The following RAPGEF2 variants were observed in gnomAD, a reference collection of about 807,000 sequenced individuals.
RAPGEF2 encodes PDZ domain containing guanine nucleotide exchange factor (GEF) 1.
Under a neutral mutation model 186.7 loss-of-function variants are expected in RAPGEF2, and 54 were observed. The observed-to-expected ratio is 0.29, with a 90% CI of 0.23 to 0.36. RAPGEF2 has a LOEUF of 0.36. RAPGEF2 is among the 10% of genes least tolerant of loss of function. RAPGEF2 has a pLI of 1.00. For synonymous variants in RAPGEF2, 712 were observed against 705.9 expected (o/e 1.01, Z -0.14); for missense variants, 1,532 against 2,045.0 (o/e 0.75, Z 4.84).
At chr4:159,219,499 G>A (rs1751320439) in intron 4 of RAPGEF2, among the ~76,000 whole-genome samples, 2 of 151,768 alleles carry the variant, frequency 1.3e-5, no homozygotes, top group Admixed American at 1.3e-4. Context: ...GGGACTACAG[G>A]CACCCGCCAC....
At chr4:159,355,565 C>T (rs941279377) in intron 28 of RAPGEF2, among the ~76,000 whole-genome samples, 9 of 152,132 alleles carry the variant, frequency 5.9e-5, no homozygotes, top group Admixed American at 5.9e-4. Context: ...TTTATAGTTA[C>T]AGACCATTTT....
intron 1 of RAPGEF2, among the ~76,000 whole-genome samples, chr4:159,164,276 TTACAG>T (rs1312563137): frequency 0.01 from 1,589 of 151,588 alleles, 27 homozygotes; most frequent in African/African-American, 0.036. Flanking sequence ...AGTGCTGGGA[TTACAG>T]GCGTGAGCCA....
At chr4:159,322,032 A>G (rs1765296925) in intron 9 of RAPGEF2, among the ~76,000 whole-genome samples, 1 of 149,228 alleles carries the variant, frequency 6.7e-6, no homozygotes, top group African/African-American at 2.5e-5. Flanking sequence ...CACTCTCATA[A>G]TAATAAGCCT....
At chr4:159,294,250 T>C (rs1017536599) in intron 7 of RAPGEF2, among the ~76,000 whole-genome samples, 3 of 152,198 alleles carry the variant, frequency 2.0e-5, no homozygotes, top group Non-Finnish European at 2.9e-5. Flanking sequence ...AGGAATCTTT[T>C]TTCTTTGACT....
chr4:159,169,251 T>C (rs1292632348), intron 1 of RAPGEF2, among the ~76,000 whole-genome samples: 1 of 151,614 alleles, frequency 6.6e-6, no homozygotes, highest in Admixed American at 6.6e-5. Flanking sequence ...GGAAAAAAAA[T>C]GTGTGTTTAA....
intron 1 of RAPGEF2, among the ~76,000 whole-genome samples, chr4:159,162,047 C>A (rs558302696): frequency 6.6e-6 from 1 of 151,990 alleles, no homozygotes; most frequent in East Asian, 1.9e-4. Flanking sequence ...AAATTTTGTT[C>A]ATTTATATGT....
chr4:159,175,549 TC>T (rs1312114416), intron 1 of RAPGEF2, among the ~76,000 whole-genome samples: 1 of 152,170 alleles, frequency 6.6e-6, no homozygotes, highest in Non-Finnish European at 1.5e-5. Context: ...ATGGACTTGT[TC>T]CCGACTTCCT....
intron 13 of RAPGEF2, 56 bp downstream of exon 13, chr4:159,330,554 T>C (rs1766546713): frequency 4.8e-6 from 6 of 1,260,068 alleles, no homozygotes; most frequent in Non-Finnish European, 6.7e-6. Flanking sequence ...CTAAAGATAC[T>C]TTAATGTGTA....
intron 1 of RAPGEF2, among the ~76,000 whole-genome samples, chr4:159,136,907 C>T (rs1741781177): frequency 6.6e-6 from 1 of 152,128 alleles, no homozygotes; most frequent in South Asian, 2.1e-4. Flanking sequence ...TCCCTGAAGC[C>T]TGTATTCCTG....
At chr4:159,337,021 A>G (rs1308655181) in intron 17 of RAPGEF2, among the ~76,000 whole-genome samples, 1 of 152,130 alleles carries the variant, frequency 6.6e-6, no homozygotes, top group Non-Finnish European at 1.5e-5. Flanking sequence ...GAAACAGTTG[A>G]CCCTTCAAAT....
chr4:159,308,041 G>A (rs1561252988), intron 8 of RAPGEF2, among the ~76,000 whole-genome samples: 1 of 152,146 alleles, frequency 6.6e-6, no homozygotes, highest in Non-Finnish European at 1.5e-5. Context: ...AGTCATATGT[G>A]CTTTTACCTT....
intron 3 of RAPGEF2, 108 bp from the exon 4 acceptor site, chr4:159,210,392 T>C: frequency 1.5e-6 from 1 of 664,628 alleles, no homozygotes; most frequent in Non-Finnish European, 2.5e-6. Flanking sequence ...TATGCTATTC[T>C]TTATTATTTT....
chr4:159,268,236 T>C (rs759789541), intron 7 of RAPGEF2: 7 of 1,536,416 alleles, frequency 4.6e-6, no homozygotes, highest in Non-Finnish European at 6.3e-6. Context: ...CAAATGCTGC[T>C]TGTGCTTTGA....
intron 1 of RAPGEF2, among the ~76,000 whole-genome samples, chr4:159,169,747 A>G (rs1745706152): frequency 6.6e-6 from 1 of 152,170 alleles, no homozygotes; most frequent in Non-Finnish European, 1.5e-5. Context: ...TGTCATAAAT[A>G]ATAGGATTTC....
At chr4:159,257,476 A>G (rs2111537382) in intron 7 of RAPGEF2, among the ~76,000 whole-genome samples, 1 of 152,282 alleles carries the variant, frequency 6.6e-6, no homozygotes, top group East Asian at 1.9e-4. Context: ...CCCATGATTT[A>G]ATCGTCTCCT....
At chr4:159,142,420 ATCAAATATT>A (rs1561006315) in intron 1 of RAPGEF2, among the ~76,000 whole-genome samples, 1 of 152,148 alleles carries the variant, frequency 6.6e-6, no homozygotes, top group Non-Finnish European at 1.5e-5. Context: ...GGACCAGATG[ATCAAATATT>A]TCATTTCTAT....
intron 1 of RAPGEF2, among the ~76,000 whole-genome samples, chr4:159,123,773 C>T (rs938542152): frequency 6.6e-6 from 1 of 152,058 alleles, no homozygotes; most frequent in Admixed American, 6.6e-5. Flanking sequence ...CTGCCTCGAC[C>T]TCCCAAAGTG....
At chr4:159,235,011 C>T (rs963600147) in intron 4 of RAPGEF2, among the ~76,000 whole-genome samples, 1 of 152,146 alleles carries the variant, frequency 6.6e-6, no homozygotes, top group African/African-American at 2.4e-5. Context: ...CTGCCCACCT[C>T]GGCCTTCCAA....
At chr4:159,285,913 T>C (rs1760397470) in intron 7 of RAPGEF2, among the ~76,000 whole-genome samples, 1 of 152,148 alleles carries the variant, frequency 6.6e-6, no homozygotes, top group African/African-American at 2.4e-5. Flanking sequence ...AATTGGTTGA[T>C]TATAATTTTA....
Sources: gnomAD v4.1 joint callset for allele counts (sites outside exome capture counted in the v4.1 genomes callset) on GRCh38, gnomAD v4.1.1 for gene constraint, MANE v1.5 for transcripts, NCBI Gene and HGNC (gene_info 2026-07-23, HGNC 2026-07-21) for gene names.